The following CES1 variants were observed in gnomAD, a reference collection of about 807,000 sequenced individuals.
CES1 encodes carboxylesterase 1.
CES1 carries 50 observed loss-of-function variants against 53.0 expected under a neutral mutation model. That is an observed-to-expected ratio of 0.94 (90% confidence interval 0.75 to 1.19). The LOEUF (loss-of-function observed/expected upper bound fraction) is 1.19, where lower values mean the gene tolerates loss of function less well. Ranked by LOEUF, CES1 falls within the 50% of genes most tolerant of loss-of-function variation. The pLI is 0.00. For missense variants in CES1, 534 were observed against 538.0 expected (o/e 0.99, Z 0.07); for synonymous variants, 202 against 210.1 (o/e 0.96, Z 0.33).
At chr16:55,830,311 C>T (rs1349967161) in intron 1 of CES1, among the ~76,000 whole-genome samples, 5 of 152,118 alleles carry the variant, frequency 3.3e-5, no homozygotes, top group Non-Finnish European at 7.4e-5. Context: ...AGATGAACTT[C>T]CTTGGAAGCA....
intron 2 of CES1, among the ~76,000 whole-genome samples, chr16:55,826,951 T>C (rs1432465081): frequency 6.6e-6 from 1 of 152,196 alleles, no homozygotes; most frequent in South Asian, 2.1e-4. Context: ...AGCCTCAGAC[T>C]AGTCCCATTA....
chr16:55,821,566 T>C (rs372815442), intron 4 of CES1, 45 bp from the exon 5 acceptor site: 101 of 1,610,868 alleles, frequency 6.3e-5, no homozygotes, highest in Non-Finnish European at 7.8e-5. Flanking sequence ...AGAGATGTCA[T>C]GCAGGACCTT....
chr16:55,822,003 A>C lies in CES1; in HGVS notation c.540-482T>G, dbSNP rs529965349. On this transcript the variant is annotated intron_variant, in intron 4 of 13. Transcript: ENST00000360526. The stretch of plus-strand genomic sequence containing the variant: ...GGTTTTGGAGGCAAAGACCTTCATA[A>C]AACAAGCACAATGAGCACATGAACC... 1.6e-4 allele frequency among the ~76,000 whole-genome samples: 24 copies of C among 152,358 alleles called. 1 individual carries two copies. Among genetic ancestry groups the C allele is most frequent in the African/African-American group, 5.5e-4 (23 of 41,574 alleles).
At chr16:55,822,173 G>C (rs2032226875) in intron 4 of CES1, among the ~76,000 whole-genome samples, 1 of 152,254 alleles carries the variant, frequency 6.6e-6, no homozygotes, top group Non-Finnish European at 1.5e-5. Context: ...TCATGGTAAG[G>C]AGCATGGGAA....
At chr16:55,832,715 A>G (rs2032731597) in intron 1 of CES1, among the ~76,000 whole-genome samples, 1 of 152,350 alleles carries the variant, frequency 6.6e-6, no homozygotes, top group Admixed American at 6.5e-5. Flanking sequence ...AGGGACAGCA[A>G]ACTGAGCTGC....
intron 11 of CES1, among the ~76,000 whole-genome samples, chr16:55,808,204 A>G (rs8192951): frequency 0.53 from 65,298 of 123,572 alleles, 17,929 homozygotes; most frequent in Non-Finnish European, 0.63. Flanking sequence ...CCAACCATAG[A>G]AGAAAGAGCT....
chr16:55,811,046 T>C (rs778094378), intron 9 of CES1, 36 bp from the exon 10 acceptor site: 4 of 1,533,562 alleles, frequency 2.6e-6, no homozygotes, highest in Non-Finnish European at 1.8e-6. Context: ...TTATGAATCA[T>C]TGGGAATTAA....
In CES1 at chr16:55,809,666, C is replaced by T. The variant is rs530908919; in HGVS notation, c.1318+851G>A. Among the ~76,000 whole-genome samples the T allele has an allele frequency of 1.1e-4, 17 of 152,280 alleles. No individual in the cohort carries two copies. The South Asian group carries it at 3.5e-3, about 32-fold the overall frequency. On this transcript the variant is annotated intron_variant, in intron 11 of 13. Coordinates refer to ENST00000360526, the MANE Select transcript of CES1 (RefSeq NM_001025195.2). ...ACGCACTGAGATGCATAAAAACCAC[C>T]CTCAGACACTGCCATTCTACAGACC...
chr16:55,830,811 AAGGAAGGAAGGC>A (rs1242958181), intron 1 of CES1, among the ~76,000 whole-genome samples: 11 of 143,098 alleles, frequency 7.7e-5, no homozygotes, highest in African/African-American at 1.6e-4. Context: ...GGAAGGAAGG[AAGGAAGGAAGGC>A]AGGCAGGCAG....
intron 9 of CES1, 131 bp downstream of exon 9, chr16:55,812,772 T>A (rs564979263): frequency 7.6e-7 from 1 of 1,323,668 alleles, no homozygotes; most frequent in African/African-American, 1.5e-5. Context: ...CGTGGAAATG[T>A]TAACTCCTGC....
At chr16:55,825,784 G>A (rs1161396614) in intron 3 of CES1, among the ~76,000 whole-genome samples, 1 of 152,154 alleles carries the variant, frequency 6.6e-6, no homozygotes, top group East Asian at 1.9e-4. Context: ...GAAGAGTTGG[G>A]GTGTTGGCTT....
rs1312556916 is a variant in CES1 at position 55,810,587 on chromosome 16, G to C, written c.1248C>G (p.Asp416Glu). The change falls in exon 11 of 14, where the codon GAC (aspartate) becomes GAG (glutamate). Residue 416 changes from aspartate (D) to glutamate (E), a missense_variant. Coordinates refer to ENST00000360526, the MANE Select transcript of CES1 (RefSeq NM_001025195.2). ...GGTDDTVKKK[D>E]LFLDLIADVM... Reference sequence around the variant, plus strand: ...CATCTGCTATCAAGTCCAGGAACAGGTCTTTCTTTTTGACAGTGTCGTCTG... The same window carrying C: ...CATCTGCTATCAAGTCCAGGAACAGCTCTTTCTTTTTGACAGTGTCGTCTG... 5 of 1,614,024 alleles carry C rather than the reference G, an allele frequency of 3.1e-6. No individual in the cohort carries two copies. Among genetic ancestry groups the C allele is most frequent in the African/African-American group, 2.7e-5 (2 of 74,896 alleles).
chr16:55,813,886 GAAGA>G (rs1396944161), intron 8 of CES1, among the ~76,000 whole-genome samples: 1 of 152,246 alleles, frequency 6.6e-6, no homozygotes, highest in Non-Finnish European at 1.5e-5. Context: ...GATGAAACAA[GAAGA>G]GAGAGGTTGC....
In CES1 at chr16:55,811,891, A is replaced by G. The variant is rs143589229; in HGVS notation, c.1087-881T>C. Among the ~76,000 whole-genome samples, 278 of 152,320 alleles carry G rather than the reference A, an allele frequency of 1.8e-3. 4 individuals carry two copies. Among genetic ancestry groups the G allele is most frequent in the African/African-American group, 6.4e-3 (267 of 41,548 alleles). ...TGTCGAAAGAGTAGAGCCTGACTTC[A>G]GTGGGTTCTTCCTGCGGTCTAATGC... On this transcript the variant is annotated intron_variant, in intron 9 of 13. Transcript: ENST00000360526.
intron 1 of CES1, among the ~76,000 whole-genome samples, chr16:55,832,727 T>A (rs1555509561): frequency 6.6e-6 from 1 of 152,228 alleles, no homozygotes; most frequent in South Asian, 2.1e-4. Flanking sequence ...CTGAGCTGCC[T>A]AAATTTCTCG....
intron 8 of CES1, among the ~76,000 whole-genome samples, chr16:55,816,241 G>A (rs1200288388): frequency 6.6e-6 from 1 of 152,218 alleles, no homozygotes; most frequent in Non-Finnish European, 1.5e-5. Flanking sequence ...TCCCAAGAGG[G>A]TAGGGAGTCT....
chr16:55,820,881 A>C (rs1330965212), intron 5 of CES1, among the ~76,000 whole-genome samples: 6 of 152,134 alleles, frequency 3.9e-5, no homozygotes, highest in Non-Finnish European at 8.8e-5. Context: ...ACAAGCCATC[A>C]GACCACCCCA....
In CES1 at chr16:55,830,915, T is replaced by TG. The variant is rs1475106097; in HGVS notation, c.53-1942dup. On this transcript the variant is annotated intron_variant, in intron 1 of 13. Transcript: ENST00000360526. Reference sequence around the variant, plus strand: ...AAAAGACTTGGTCCCTGACCAGAGGTGGGGGAAATGGAAGGGAAAGAAGAC... The same window carrying TG: ...AAAAGACTTGGTCCCTGACCAGAGGTGGGGGGAAATGGAAGGGAAAGAAGAC... Among the ~76,000 whole-genome samples the TG allele has an allele frequency of 4.0e-5, 6 of 148,620 alleles. No homozygotes were observed. In the East Asian group the frequency reaches 5.9e-4, roughly 15 times the overall value.
intron 6 of CES1, chr16:55,819,966 C>T (rs1465432153): frequency 9.2e-6 from 5 of 545,716 alleles, no homozygotes; most frequent in Non-Finnish European, 1.7e-5. Context: ...TCCTTGTCTG[C>T]TTTCAAATCC....
Sources: gnomAD v4.1 joint callset for allele counts (sites outside exome capture counted in the v4.1 genomes callset) on GRCh38, gnomAD v4.1.1 for gene constraint, MANE v1.5 for transcripts, NCBI Gene and HGNC (gene_info 2026-07-23, HGNC 2026-07-21) for gene names.